ZBTB20: variants seen among roughly 807,000 people sequenced by gnomAD.
ZBTB20 encodes the protein zinc finger and BTB domain containing 20.
A neutral mutation model predicts 56.9 loss-of-function variants in ZBTB20; 9 were observed. The observed-to-expected ratio is 0.16, with a 90% CI of 0.10 to 0.28. The LOEUF is 0.28. ZBTB20 is among the 10% of genes least tolerant of loss of function. The probability of loss-of-function intolerance (pLI) is 1.00; values close to 1 mark genes in which losing one functional copy is unlikely to be tolerated. For synonymous variants in ZBTB20, 417 were observed against 420.7 expected, an observed-to-expected ratio of 0.99 and a Z score of 0.11; for missense variants, 655 against 1,003.0, an observed-to-expected ratio of 0.65 and a Z score of 4.69.
At chr3:114,668,177 T>C (rs1042221379) in intron 6 of ZBTB20, among the ~76,000 whole-genome samples, 2 of 152,048 alleles carry the variant, frequency 1.3e-5, no homozygotes, top group African/African-American at 4.8e-5. Context: ...GCCCGTCAGT[T>C]TCCCTTTAAA....
At chr3:114,844,544 A>C (rs1352304414) in intron 4 of ZBTB20, among the ~76,000 whole-genome samples, 6 of 140,600 alleles carry the variant, frequency 4.3e-5, no homozygotes, top group African/African-American at 5.5e-5. Flanking sequence ...AAAAAAAAAA[A>C]AAAAAAAACT....
At chr3:114,671,098 A>T (rs2061337202) in intron 6 of ZBTB20, among the ~76,000 whole-genome samples, 1 of 152,168 alleles carries the variant, frequency 6.6e-6, no homozygotes, top group South Asian at 2.1e-4. Context: ...TCAGTTAGTT[A>T]GATTGTTTGT....
At chr3:115,082,408 C>A (rs1016454095) in intron 1 of ZBTB20, among the ~76,000 whole-genome samples, 2 of 152,128 alleles carry the variant, frequency 1.3e-5, no homozygotes, top group African/African-American at 4.8e-5. Context: ...GTGTCTGGAT[C>A]ATATCTACAT....
intron 7 of ZBTB20, among the ~76,000 whole-genome samples, chr3:114,476,377 GAACA>G (rs2040767518): frequency 6.6e-6 from 1 of 152,124 alleles, no homozygotes; most frequent in Admixed American, 6.5e-5. Context: ...GAAATATCTA[GAACA>G]AAAAGGTAAA....
intron 6 of ZBTB20, among the ~76,000 whole-genome samples, chr3:114,620,437 C>T (rs894746191): frequency 4.6e-5 from 7 of 152,094 alleles, no homozygotes; most frequent in Non-Finnish European, 8.8e-5. Flanking sequence ...GGATTACACG[C>T]ATGCGCCACC....
intron 1 of ZBTB20, among the ~76,000 whole-genome samples, chr3:115,073,809 T>C (rs956440958): frequency 7.2e-6 from 1 of 139,076 alleles, no homozygotes; most frequent in African/African-American, 2.7e-5. Flanking sequence ...TTATAAAATA[T>C]TTTAAATTCA....
chr3:114,972,941 T>C (rs947616239), intron 3 of ZBTB20, among the ~76,000 whole-genome samples: 5 of 152,060 alleles, frequency 3.3e-5, no homozygotes, highest in Admixed American at 2.0e-4. Context: ...CTCCAAAATA[T>C]ACTTTACCTT....
intron 4 of ZBTB20, among the ~76,000 whole-genome samples, chr3:114,898,100 G>A (rs2074961410): frequency 6.6e-6 from 1 of 152,038 alleles, no homozygotes; most frequent in Non-Finnish European, 1.5e-5. Context: ...AATAATTACA[G>A]ATTTTTTAAT....
chr3:114,978,961 AC>A (rs1341721624), intron 2 of ZBTB20, among the ~76,000 whole-genome samples: 1 of 151,860 alleles, frequency 6.6e-6, no homozygotes, highest in Non-Finnish European at 1.5e-5. Context: ...TTTTGGTGAA[AC>A]CTTTTTAACT....
At chr3:114,698,127 A>T (rs1009621230) in intron 5 of ZBTB20, among the ~76,000 whole-genome samples, 1 of 152,148 alleles carries the variant, frequency 6.6e-6, no homozygotes, top group Admixed American at 6.6e-5. Context: ...TACCCAATCA[A>T]AAATATTATT....
At chr3:114,468,328 T>C (rs958496800) in intron 7 of ZBTB20, among the ~76,000 whole-genome samples, 5 of 152,152 alleles carry the variant, frequency 3.3e-5, no homozygotes, top group Non-Finnish European at 7.4e-5. Flanking sequence ...GTTCAAACCA[T>C]TAGGTCAAAA....
intron 6 of ZBTB20, among the ~76,000 whole-genome samples, chr3:114,675,118 T>C (rs1394766840): frequency 6.7e-6 from 1 of 150,228 alleles, no homozygotes; most frequent in Non-Finnish European, 1.5e-5. Flanking sequence ...TTTAATTTTA[T>C]TTTATTTGCT....
intron 6 of ZBTB20, among the ~76,000 whole-genome samples, chr3:114,682,264 T>A (rs2062021854): frequency 6.6e-6 from 1 of 152,102 alleles, no homozygotes; most frequent in Non-Finnish European, 1.5e-5. Flanking sequence ...ATTAGAAAGG[T>A]ATATCCCCAA....
intron 1 of ZBTB20, among the ~76,000 whole-genome samples, chr3:115,111,516 G>T (rs1424043901): frequency 6.6e-6 from 1 of 152,008 alleles, no homozygotes; most frequent in Non-Finnish European, 1.5e-5. Flanking sequence ...TCTCTCCCTA[G>T]TATTTTTCCA....
chr3:114,890,465 G>C (rs1480821690), intron 4 of ZBTB20, among the ~76,000 whole-genome samples: 1 of 152,160 alleles, frequency 6.6e-6, no homozygotes, highest in Non-Finnish European at 1.5e-5. Flanking sequence ...CATGGATGAA[G>C]CTAGAAACCA....
intron 7 of ZBTB20, among the ~76,000 whole-genome samples, chr3:114,498,614 T>A (rs1480961305): frequency 6.6e-6 from 1 of 152,134 alleles, no homozygotes; most frequent in African/African-American, 2.4e-5. Flanking sequence ...CAAGCAAACA[T>A]GAAGCCTGGC....
At chr3:114,827,374 G>C (rs1431537494) in intron 4 of ZBTB20, among the ~76,000 whole-genome samples, 1 of 151,116 alleles carries the variant, frequency 6.6e-6, no homozygotes, top group Non-Finnish European at 1.5e-5. Flanking sequence ...GAAAGGTAAA[G>C]GCCGGGACAA....
chr3:114,543,136 T>C (rs1559935743), intron 6 of ZBTB20, among the ~76,000 whole-genome samples: 2 of 152,184 alleles, frequency 1.3e-5, no homozygotes, highest in African/African-American at 2.4e-5. Flanking sequence ...ATATAACTTA[T>C]GCACATCCTT....
chr3:114,981,129 A>T (rs1403721844), intron 2 of ZBTB20, among the ~76,000 whole-genome samples: 1 of 152,058 alleles, frequency 6.6e-6, no homozygotes, highest in Non-Finnish European at 1.5e-5. Flanking sequence ...TATGATCACG[A>T]AATTTTGTAT....
Sources: gnomAD v4.1 joint callset for allele counts (sites outside exome capture counted in the v4.1 genomes callset) on GRCh38, gnomAD v4.1.1 for gene constraint, MANE v1.5 for transcripts, NCBI Gene and HGNC (gene_info 2026-07-23, HGNC 2026-07-21) for gene names.